GNB5: variants seen among roughly 807,000 people sequenced by gnomAD.
The protein encoded by GNB5 is G protein subunit beta 5.
Under a neutral mutation model 55.3 loss-of-function variants are expected in GNB5, and 37 were observed. The observed-to-expected ratio is 0.67, with a 90% CI of 0.51 to 0.88. The LOEUF is 0.88. GNB5 is among the 40% of genes least tolerant of loss of function. The probability of loss-of-function intolerance (pLI) is 0.00; values close to 1 mark genes in which losing one functional copy is unlikely to be tolerated. For synonymous variants in GNB5, 219 were observed against 198.5 expected, an observed-to-expected ratio of 1.10 and a Z score of -0.87; for missense variants, 476 against 515.3, an observed-to-expected ratio of 0.92 and a Z score of 0.74.
chr15:52,140,518 A>G (rs1435881634), intron 7 of GNB5, among the ~76,000 whole-genome samples: 5 of 152,200 alleles, frequency 3.3e-5, no homozygotes, highest in Non-Finnish European at 2.9e-5. Context: ...AAGGTCCCTG[A>G]GGGCCAAGAC....
At chr15:52,173,803 T>C (rs1018686593) in intron 3 of GNB5, among the ~76,000 whole-genome samples, 18 of 152,164 alleles carry the variant, frequency 1.2e-4, no homozygotes, top group African/African-American at 4.3e-4. Context: ...TTTTCATCTA[T>C]AAGGGACAGG....
chr15:52,135,551 C>A, intron 8 of GNB5, 62 bp downstream of exon 8: 1 of 1,430,822 alleles, frequency 7.0e-7, no homozygotes, highest in Non-Finnish European at 9.8e-7. Flanking sequence ...TGGACAAGAA[C>A]TGCCACCATA....
In GNB5 at chr15:52,164,545, G is replaced by A. The variant is rs536802496; in HGVS notation, c.239-10469C>T. ...CAGGAGACTGAGGCAGGAGAATGGC[G>A]TCAACCTGGGAGGCGGAGCTTGCAG... On this transcript the variant is annotated intron_variant, in intron 3 of 12. Coordinates refer to ENST00000261837, the MANE Select transcript of GNB5 (RefSeq NM_016194.4). Among the ~76,000 whole-genome samples, 294 of 151,098 alleles carry A rather than the reference G, an allele frequency of 1.9e-3. 1 individual carries two copies. The highest frequency in any genetic ancestry group is 0.018 in the Middle Eastern group (5 of 284).
At chr15:52,149,104 C>G (rs898933859) in intron 5 of GNB5, among the ~76,000 whole-genome samples, 1 of 152,194 alleles carries the variant, frequency 6.6e-6, no homozygotes, top group Non-Finnish European at 1.5e-5. Context: ...CTCGACTCTA[C>G]AAAATGGTTT....
rs368749869 is a variant in GNB5, at chr15:52,147,858, CG to C, written c.418-324del. The stretch of plus-strand genomic sequence containing the variant: ...GTGGCCTCCCAAAGTGCTGGGATTA[CG>C]GGTGTGAGCCCCCATGCCCAGCCAC... On this transcript the variant is annotated intron_variant, in intron 5 of 12. Transcript: ENST00000261837. Among the ~76,000 whole-genome samples the C allele has an allele frequency of 2.7e-3, 416 of 152,218 alleles. 5 individuals carry two copies. Among genetic ancestry groups the C allele is most frequent in the African/African-American group, 9.4e-3 (391 of 41,550 alleles).
At chr15:52,132,036 T>C (rs1238038491) in intron 9 of GNB5, among the ~76,000 whole-genome samples, 1 of 152,220 alleles carries the variant, frequency 6.6e-6, no homozygotes, top group Non-Finnish European at 1.5e-5. Flanking sequence ...TCTTAGTAAA[T>C]GGACTGCTGC....
chr15:52,130,698 T>A (rs1011115455), intron 9 of GNB5, among the ~76,000 whole-genome samples: 1 of 152,246 alleles, frequency 6.6e-6, no homozygotes, highest in Non-Finnish European at 1.5e-5. Context: ...GGAGGGCACC[T>A]AACTCAGCCC....
At chr15:52,172,014 G>A (rs932739958) in intron 3 of GNB5, among the ~76,000 whole-genome samples, 4 of 152,302 alleles carry the variant, frequency 2.6e-5, no homozygotes, top group Middle Eastern at 3.4e-3. Flanking sequence ...TGTGCCTGTT[G>A]GCTGAAATGA....
intron 7 of GNB5, among the ~76,000 whole-genome samples, chr15:52,136,076 C>CAT (rs2033704373): frequency 7.0e-6 from 1 of 143,744 alleles, no homozygotes; most frequent in Admixed American, 7.1e-5. Flanking sequence ...CACACACACA[C>CAT]ACACACACAC....
intron 7 of GNB5, among the ~76,000 whole-genome samples, chr15:52,138,270 C>T (rs898246920): frequency 2.6e-5 from 4 of 151,344 alleles, no homozygotes; most frequent in African/African-American, 7.3e-5. Flanking sequence ...GTTGTCCCAG[C>T]TACTTGGAAG....
chr15:52,146,887 T>C (rs377265755), intron 6 of GNB5, among the ~76,000 whole-genome samples: 2 of 151,908 alleles, frequency 1.3e-5, no homozygotes, highest in East Asian at 1.9e-4. Context: ...CTGGTACTTT[T>C]TGCTTCATTT....
rs1015007517 is a variant in GNB5, at chr15:52,120,154, C to G, written c.*2603G>C. ...GGAGGGGGCTGCCCAAGGCTCTACA[C>G]CCCTGGGGGCCCATCTGTTTGGCCC... On this transcript the variant is annotated 3_prime_UTR_variant, in exon 13 of 13. Coordinates refer to ENST00000261837, the MANE Select transcript of GNB5 (RefSeq NM_016194.4). 6.6e-6 allele frequency: 1 copy of G among 152,356 alleles called. No homozygotes were observed. Among genetic ancestry groups the G allele is most frequent in the Middle Eastern group, 3.4e-3 (1 of 294 alleles). The allele number at this position is 152,356 out of a possible 1,614,324, so 9.4% of individuals were successfully genotyped here.
At chr15:52,137,169 C>T (rs1206927291) in intron 7 of GNB5, 1 of 989,218 alleles carries the variant, frequency 1.0e-6, no homozygotes, top group African/African-American at 1.7e-5. Flanking sequence ...GAGGTTCTCC[C>T]TTACTGTGGC....
intron 7 of GNB5, chr15:52,139,661 A>G: frequency 2.5e-6 from 1 of 398,310 alleles, no homozygotes; most frequent in Non-Finnish European, 4.3e-6. Context: ...CAGCTAGAAC[A>G]CAGCGGAGCC....
intron 3 of GNB5, among the ~76,000 whole-genome samples, chr15:52,165,839 A>T (rs537520366): frequency 6.6e-6 from 1 of 152,320 alleles, no homozygotes; most frequent in African/African-American, 2.4e-5. Context: ...ATTCACACAT[A>T]ACAATATTAA....
intron 3 of GNB5, among the ~76,000 whole-genome samples, chr15:52,157,312 T>C (rs1274108717): frequency 6.7e-6 from 1 of 149,890 alleles, no homozygotes; most frequent in Non-Finnish European, 1.5e-5. Flanking sequence ...AGTGGTGCCA[T>C]CTTGGCTCAC....
chr15:52,189,982 G>A (rs2034896304), intron 1 of GNB5, among the ~76,000 whole-genome samples: 1 of 152,008 alleles, frequency 6.6e-6, no homozygotes, highest in South Asian at 2.1e-4. Flanking sequence ...TCTTTTTCGG[G>A]GTGATGAAAA....
intron 7 of GNB5, chr15:52,139,875 T>G: frequency 7.8e-7 from 1 of 1,286,666 alleles, no homozygotes. Flanking sequence ...GTCTGATGGG[T>G]CTCCACAGAG....
chr15:52,165,626 A>T (rs1419116144), intron 3 of GNB5, among the ~76,000 whole-genome samples: 4 of 152,168 alleles, frequency 2.6e-5, no homozygotes, highest in Non-Finnish European at 5.9e-5. Context: ...AAGAAACAAG[A>T]TCTTTTTCAG....
Sources: allele counts gnomAD v4.1 joint callset (sites outside exome capture counted in the v4.1 genomes callset), GRCh38; gene constraint gnomAD v4.1.1; transcripts MANE v1.5; gene names NCBI Gene and HGNC (gene_info 2026-07-23, HGNC 2026-07-21).